TCP11L2: variants seen among roughly 807,000 people sequenced by gnomAD.
TCP11L2 encodes the protein t-complex 11 like 2, also known as T-complex protein 11-like protein 2.
TCP11L2 carries 39 observed loss-of-function variants against 50.7 expected under a neutral mutation model. The ratio of observed to expected loss-of-function variants is 0.77; its 90% confidence interval spans 0.60 to 1.01. TCP11L2 has a LOEUF of 1.01. TCP11L2 is among the 50% of genes least tolerant of loss of function. The pLI, the probability that TCP11L2 is intolerant of heterozygous loss-of-function variation, is 0.00. For missense variants in TCP11L2, 612 were observed against 614.7 expected (o/e 1.00, Z 0.05); for synonymous variants, 192 against 219.3 (o/e 0.88, Z 1.10).
chr12:106,301,301 C>G (rs2034408279), upstream of TCP11L2, among the ~76,000 whole-genome samples: 1 of 152,152 alleles, frequency 6.6e-6, no homozygotes, highest in Non-Finnish European at 1.5e-5. Flanking sequence ...ATACAGATCA[C>G]CAGCTAAGTT....
upstream of TCP11L2, among the ~76,000 whole-genome samples, chr12:106,300,050 A>G (rs1184810258): frequency 1.3e-5 from 2 of 152,194 alleles, no homozygotes; most frequent in African/African-American, 4.8e-5. Context: ...AAACTGTATT[A>G]CTGTGAGTTC....
At chr12:106,314,235 T>C (rs763939749) in intron 2 of TCP11L2, 123 bp from the exon 3 acceptor site, 244 of 1,005,314 alleles carry the variant, frequency 2.4e-4, no homozygotes, top group Middle Eastern at 2.2e-3. Context: ...ATATATAGTC[T>C]CCTGACCTAT....
At chr12:106,300,947 C>T (rs562893756), upstream of TCP11L2, among the ~76,000 whole-genome samples, 2 of 152,324 alleles carry the variant, frequency 1.3e-5, no homozygotes, top group South Asian at 4.1e-4. Flanking sequence ...TAGCTCAAAA[C>T]AATACTTAAA....
chr12:106,301,577 T>C (rs1020034387), upstream of TCP11L2, among the ~76,000 whole-genome samples: 1 of 152,246 alleles, frequency 6.6e-6, no homozygotes, highest in Middle Eastern at 3.2e-3. Flanking sequence ...TTGTTGTTGT[T>C]GTTTTTGAAC....
Position 106,323,567 on chromosome 12 carries a change from G to A in TCP11L2, c.693G>A (p.Met231Ile), listed in dbSNP as rs2035421500. 9 of 1,609,662 alleles carry A rather than the reference G, an allele frequency of 5.6e-6. No homozygotes were observed. The highest frequency in any genetic ancestry group is 1.7e-5 in the Admixed American group (1 of 59,118). ...MQMDMANFTI[M>I]SLRPHLQRQL... ...TGGACATGGCCAATTTTACAATTAT[G>A]AGTCTCAGACCGCACCTTCAACGCC... Residue 231 changes from methionine to isoleucine, a missense_variant, in exon 6 of 10, where the codon ATG becomes ATA. Transcript: ENST00000299045.
In TCP11L2 at chr12:106,321,640, G is replaced by T. The variant is rs772901806; in HGVS notation, c.569G>T (p.Cys190Phe). ...NYVISTMGKLCAPVRDNDIRE... is the reference protein window; with the variant it reads ...NYVISTMGKLFAPVRDNDIRE... ...GTCATCAGTACGATGGGAAAGCTGTGTGCTCCCGTGCGAGATAATGATATC... is the reference window on the plus strand; with the variant it reads ...GTCATCAGTACGATGGGAAAGCTGTTTGCTCCCGTGCGAGATAATGATATC... Residue 190 changes from cysteine to phenylalanine, a missense_variant, in exon 5 of 10, where the codon TGT (cysteine) becomes TTT (phenylalanine). Physicochemically the swap from Cys to Phe is radical, Grantham distance 205. Transcript: ENST00000299045. The T allele has an allele frequency of 5.0e-6, 8 of 1,614,060 alleles. No homozygotes were observed. Among genetic ancestry groups the T allele is most frequent in the Non-Finnish European group, 6.8e-6 (8 of 1,180,042 alleles).
chr12:106,328,758 G>A lies in TCP11L2; in HGVS notation c.772+5112G>A, dbSNP rs79803463. Among the ~76,000 whole-genome samples, 169 of 152,318 alleles carry A rather than the reference G, an allele frequency of 1.1e-3. 1 individual carries two copies. Among genetic ancestry groups the A allele is most frequent in the African/African-American group, 3.8e-3 (158 of 41,566 alleles). On this transcript the variant is annotated intron_variant, in intron 6 of 9. Transcript: ENST00000299045. Reference sequence around the variant, plus strand: ...GTGAATGGAAGGATGGAGGAAGTTTGCAGAATCAAAGGAAAAGCCAAAATG... The same window carrying A: ...GTGAATGGAAGGATGGAGGAAGTTTACAGAATCAAAGGAAAAGCCAAAATG...
At position 106,323,550 on chromosome 12, in the gene TCP11L2, G is replaced by A. The variant is rs769929582; in HGVS notation, c.676G>A (p.Ala226Thr). The A allele has an allele frequency of 2.5e-6, 4 of 1,607,706 alleles. No individual in the cohort carries two copies. The highest frequency in any genetic ancestry group is 1.3e-5 in the African/African-American group (1 of 74,628). The change falls in exon 6 of 10, where the codon GCC becomes ACC. Residue 226 changes from alanine to threonine, a missense_variant. Coordinates refer to ENST00000299045, the MANE Select transcript of TCP11L2 (RefSeq NM_152772.3). ...CCTGGACCTCATGCAAATGGACATG[G>A]CCAATTTTACAATTATGAGTCTCAG... ...HVLDLMQMDM[A>T]NFTIMSLRPH...
rs2035343544 is a variant in TCP11L2 at position 106,321,679 on chromosome 12, C to A, written c.608C>A (p.Ala203Asp). 6.2e-7 allele frequency: 1 copy of A among 1,614,050 alleles called. No individual in the cohort carries two copies. The highest frequency in any genetic ancestry group is 8.5e-7 in the Non-Finnish European group (1 of 1,180,032). ...VRDNDIRELKATGNIVEVLRQ... is the reference protein window; with the variant it reads ...VRDNDIRELKDTGNIVEVLRQ... ...GATAATGATATCAGAGAGTTAAAGG[C>A]TACTGGCAACATCGTGGAGGTGCTG... Residue 203 changes from alanine (A) to aspartate (D), a missense_variant, in exon 5 of 10, where the codon GCT becomes GAT. Ala to Asp is a moderately radical substitution (Grantham distance 126). Coordinates refer to ENST00000299045, the MANE Select transcript of TCP11L2 (RefSeq NM_152772.3).
At chr12:106,324,612 C>G (rs2035474618) in intron 6 of TCP11L2, 1 of 152,144 alleles carries the variant, frequency 6.6e-6, no homozygotes, top group African/African-American at 2.4e-5. Context: ...ACAGAGGTAC[C>G]AATTAGGTGG....
chr12:106,299,786 A>G (rs151089197), upstream of TCP11L2, among the ~76,000 whole-genome samples: 36 of 152,354 alleles, frequency 2.4e-4, no homozygotes, highest in Non-Finnish European at 3.8e-4. Context: ...CTAAATTTGC[A>G]TTACATTAAA....
intron 2 of TCP11L2, chr12:106,312,482 A>G (rs1464831676): frequency 2.9e-6 from 3 of 1,031,172 alleles, no homozygotes; most frequent in Non-Finnish European, 3.5e-6. Context: ...GTGTTGTTGC[A>G]TCTGACACCA....
At chr12:106,315,228 G>A (rs547214410) in intron 3 of TCP11L2, among the ~76,000 whole-genome samples, 1 of 151,800 alleles carries the variant, frequency 6.6e-6, no homozygotes, top group Non-Finnish European at 1.5e-5. Context: ...AGAGTACTCC[G>A]TCTCAAAAAA....
intron 6 of TCP11L2, among the ~76,000 whole-genome samples, chr12:106,327,544 G>A (rs571697734): frequency 3.7e-4 from 56 of 152,150 alleles, no homozygotes; most frequent in Non-Finnish European, 5.9e-4. Flanking sequence ...CTATTGACTT[G>A]GATATTTTCA....
At chr12:106,330,455 G>C (rs1415964502) in intron 6 of TCP11L2, 1 of 249,300 alleles carries the variant, frequency 4.0e-6, no homozygotes, top group East Asian at 1.8e-4. Context: ...GCTGAGGAAG[G>C]GCATCTAGTA....
intron 8 of TCP11L2, among the ~76,000 whole-genome samples, chr12:106,340,613 A>G (rs752011243): frequency 6.6e-6 from 1 of 152,224 alleles, no homozygotes; most frequent in Admixed American, 6.5e-5. Flanking sequence ...AAACACTGCT[A>G]CACAATTTAA....
intron 3 of TCP11L2, 124 bp downstream of exon 3, chr12:106,314,617 G>C: frequency 1.2e-6 from 1 of 830,146 alleles, no homozygotes; most frequent in Non-Finnish European, 1.8e-6. Context: ...GAGAGAGATA[G>C]ACACATATTT....
At chr12:106,328,250 A>G (rs1235764709) in intron 6 of TCP11L2, among the ~76,000 whole-genome samples, 1 of 152,246 alleles carries the variant, frequency 6.6e-6, no homozygotes, top group Non-Finnish European at 1.5e-5. Flanking sequence ...TCATTCAGCT[A>G]AGTAAACAGT....
chr12:106,323,755 T>G lies in TCP11L2; in HGVS notation c.772+109T>G. The G allele has an allele frequency of 7.0e-6, 3 of 431,456 alleles. 1 individual carries two copies. The highest frequency in any genetic ancestry group is 1.1e-5 in the Non-Finnish European group (3 of 283,580). The allele number at this position is 431,456 out of a possible 1,614,324, so 26.7% of individuals were successfully genotyped here. ...AAATTAAATTAAATTAATAAATAAATAAAATTTAATTTAATTTAAATTAAT... is the reference window on the plus strand; with the variant it reads ...AAATTAAATTAAATTAATAAATAAAGAAAATTTAATTTAATTTAAATTAAT... On this transcript the variant is annotated intron_variant, in intron 6 of 9. Coordinates refer to ENST00000299045, the MANE Select transcript of TCP11L2 (RefSeq NM_152772.3).
Sources: gnomAD v4.1 joint callset for allele counts (sites outside exome capture counted in the v4.1 genomes callset) on GRCh38, gnomAD v4.1.1 for gene constraint, MANE v1.5 for transcripts, NCBI Gene and HGNC (gene_info 2026-07-23, HGNC 2026-07-21) for gene names.